The following BLTP1 variants were observed in gnomAD, a reference collection of about 807,000 sequenced individuals.
BLTP1 encodes fragile site-associated protein.
At chr4:122,271,754 T>C in the BLTP1 span, 1 of 1,414,932 alleles carries the variant, frequency 7.1e-7, no homozygotes, top group South Asian at 1.4e-5. Context: ...TTTAAAAATT[T>C]CCATTTACAA....
At chr4:122,313,489 G>A in the BLTP1 span, 2 of 468,922 alleles carry the variant, frequency 4.3e-6, no homozygotes, top group East Asian at 7.3e-5. Context: ...TCATTCCAAA[G>A]ATTAAGAACT....
chr4:122,184,224 G>A, the BLTP1 span, among the ~76,000 whole-genome samples: 1 of 152,146 alleles, frequency 6.6e-6, no homozygotes, highest in African/African-American at 2.4e-5. Context: ...CAAAAGCCAA[G>A]ACTGAAAAGA....
the BLTP1 span, chr4:122,270,977 TG>T: frequency 2.0e-6 from 3 of 1,518,558 alleles, no homozygotes; most frequent in Non-Finnish European, 2.6e-6. Context: ...TCTGGAAAAA[TG>T]GAAGAAAAAC....
At chr4:122,334,542 G>T in the BLTP1 span, 4 of 1,611,980 alleles carry the variant, frequency 2.5e-6, no homozygotes, top group African/African-American at 5.3e-5. Context: ...ACCTATTCCT[G>T]CAGGTATTTA....
chr4:122,235,291 C>T, the BLTP1 span: 1 of 935,638 alleles, frequency 1.1e-6, no homozygotes, highest in Non-Finnish European at 1.3e-6. Flanking sequence ...CTAAATATTT[C>T]CTTACATACT....
the BLTP1 span, chr4:122,348,597 ACAAAT>A: frequency 6.2e-7 from 1 of 1,606,748 alleles, no homozygotes; most frequent in Non-Finnish European, 8.5e-7. Context: ...ACTCCTTTTA[ACAAAT>A]CAAACAAAGC....
chr4:122,350,630 C>T, the BLTP1 span, among the ~76,000 whole-genome samples: 3 of 151,984 alleles, frequency 2.0e-5, no homozygotes, highest in Admixed American at 6.6e-5. Context: ...AAGAACAAAA[C>T]GGGAAGAATA....
At chr4:122,262,425 A>G in the BLTP1 span, among the ~76,000 whole-genome samples, 1 of 152,108 alleles carries the variant, frequency 6.6e-6, no homozygotes. Context: ...TCTATTTGAT[A>G]TACGGTGCTA....
the BLTP1 span, chr4:122,194,610 G>A: frequency 1.6e-5 from 16 of 979,558 alleles, no homozygotes; most frequent in African/African-American, 7.0e-5. Context: ...GAACAGTTAT[G>A]TATTGTTTGC....
At chr4:122,353,982 A>G in the BLTP1 span, 2 of 1,613,584 alleles carry the variant, frequency 1.2e-6, no homozygotes, top group Non-Finnish European at 1.7e-6. The surrounding 1 kb of genome is among the most constrained non-coding windows in gnomAD (Gnocchi z 4.3). Flanking sequence ...AGTGTGAAAG[A>G]ATGGTTCAAT....
chr4:122,306,457 A>G, the BLTP1 span: 1 of 599,252 alleles, frequency 1.7e-6, no homozygotes, highest in South Asian at 7.4e-5. Flanking sequence ...GTGGAAAAGA[A>G]AACAAAGTAG....
chr4:122,362,387 TG>T, the BLTP1 span: 3 of 656,140 alleles, frequency 4.6e-6, no homozygotes, highest in Non-Finnish European at 5.0e-6. Flanking sequence ...TAAGTTAACC[TG>T]TTCTAGTTCC....
chr4:122,291,789 T>C, the BLTP1 span: 1 of 974,696 alleles, frequency 1.0e-6, no homozygotes, highest in Non-Finnish European at 1.2e-6. Flanking sequence ...GCAAATAATA[T>C]AATAGCGTCT....
At chr4:122,334,954 A>G in the BLTP1 span, among the ~76,000 whole-genome samples, 1 of 152,012 alleles carries the variant, frequency 6.6e-6, no homozygotes, top group South Asian at 2.1e-4. Context: ...TACAACCTCA[A>G]CCACAGGTTC....
chr4:122,321,548 C>T, the BLTP1 span, among the ~76,000 whole-genome samples: 5 of 150,658 alleles, frequency 3.3e-5, no homozygotes, highest in African/African-American at 1.2e-4. Flanking sequence ...TGTATATATA[C>T]ACACACTCAC....
At chr4:122,194,663 T>G in the BLTP1 span, 27 of 834,702 alleles carry the variant, frequency 3.2e-5, no homozygotes, top group Non-Finnish European at 3.8e-5. Flanking sequence ...GGCCATGAAG[T>G]GTGTTTGCAT....
chr4:122,306,724 A>G, the BLTP1 span: 3 of 919,140 alleles, frequency 3.3e-6, no homozygotes, highest in Non-Finnish European at 3.9e-6. Context: ...ATATAGCAGT[A>G]GGTTTCATAG....
At chr4:122,254,209 A>G in the BLTP1 span, 1 of 1,613,204 alleles carries the variant, frequency 6.2e-7, no homozygotes, top group Non-Finnish European at 8.5e-7. Flanking sequence ...AAGGAGTCGA[A>G]TCTGATGATT....
the BLTP1 span, among the ~76,000 whole-genome samples, chr4:122,231,164 G>A: frequency 2.0e-5 from 3 of 151,996 alleles, no homozygotes; most frequent in Admixed American, 6.5e-5. Flanking sequence ...GTTTCCTTTA[G>A]ATAATTTCCT....
Sources: gnomAD v4.1 joint callset for allele counts (sites outside exome capture counted in the v4.1 genomes callset) on GRCh38, gnomAD v4.1.1 for gene constraint, Gnocchi (gnomAD v3.1) non-coding constraint, MANE v1.5 for transcripts, NCBI Gene and HGNC (gene_info 2026-07-23, HGNC 2026-07-21) for gene names.